Variants in MEPCE observed in about 807,000 individuals in gnomAD.
MEPCE encodes methylphosphate capping enzyme.
In MEPCE, 9 loss-of-function variants were observed where a neutral mutation model predicts 52.3. The observed-to-expected ratio is 0.17, with a 90% CI of 0.10 to 0.30. The LOEUF (loss-of-function observed/expected upper bound fraction) is 0.30. MEPCE is among the 10% of genes least tolerant of loss of function. The pLI is 1.00. For missense variants in MEPCE, 826 were observed against 933.0 expected (o/e 0.89, Z 1.49); for synonymous variants, 477 against 401.6 (o/e 1.19, Z -2.25).
chr7:100,430,522 G>A lies in MEPCE; in HGVS notation c.504G>A (p.Lys168=), dbSNP rs762883519. 8.8e-6 allele frequency: 14 copies of A among 1,585,118 alleles called. No individual in the cohort carries two copies. The Admixed American group carries it at 2.4e-4, about 27-fold the overall frequency. Residue 168 remains lysine (K), a synonymous_variant, in exon 1 of 4, where the codon AAG becomes AAA. Transcript: ENST00000310512. ...GAGGCTTCAAACATCCGGCCTTCAA[G>A]AGGCGCAGGCGGGTGAATTCGGACT... ...GGGGFKHPAF[K]RRRRVNSDCD...
In MEPCE at chr7:100,431,692, A is replaced by G; in HGVS notation, c.1671+3A>G. On this transcript the variant is annotated splice_donor_region_variant and intron_variant, in intron 1 of 3. Transcript: ENST00000310512. ...CCAACAATGTTGTCTTCGTCACGGTAAGAGGGTCCAGAGGCTCTTGGAATA... is the reference window on the plus strand; with the variant it reads ...CCAACAATGTTGTCTTCGTCACGGTGAGAGGGTCCAGAGGCTCTTGGAATA... 1 of 1,580,410 alleles carries G rather than the reference A, an allele frequency of 6.3e-7. No homozygotes were observed. The highest frequency in any genetic ancestry group is 8.6e-7 in the Non-Finnish European group (1 of 1,168,232).
chr7:100,433,674 AT>A lies in MEPCE; in HGVS notation c.*121del. 1 of 1,046,606 alleles carries A rather than the reference AT, an allele frequency of 9.6e-7. No individual in the cohort carries two copies. Among genetic ancestry groups the A allele is most frequent in the South Asian group, 1.5e-5 (1 of 67,698 alleles). 64.8% of individuals were successfully genotyped at this position (1,046,606 alleles called of 1,614,324 possible). A position where few individuals can be genotyped will look rare whatever the true frequency, so the allele number is the denominator to read the frequency against. On this transcript the variant is annotated 3_prime_UTR_variant, in exon 4 of 4. Transcript: ENST00000310512. Reference sequence around the variant, plus strand: ...CTCCAAAAATAGTTTCCTTTCTTGGATCTGCAAAGAAAGCTTTTCTTCCGTC... The same window carrying A: ...CTCCAAAAATAGTTTCCTTTCTTGGACTGCAAAGAAAGCTTTTCTTCCGTC...
At position 100,430,425 on chromosome 7, in the gene MEPCE, A is replaced by G. The variant is rs764694642; in HGVS notation, c.407A>G (p.Tyr136Cys). 1.3e-6 allele frequency: 2 copies of G among 1,555,090 alleles called. No individual in the cohort carries two copies. Among genetic ancestry groups the G allele is most frequent in the Non-Finnish European group, 1.7e-6 (2 of 1,153,482 alleles). ...GCTCCTCCTCGACCCCGCAATGGCT[A>G]TCAGCCCCACCGGCCACCTGGGGGG... ...PPAPPRPRNG[Y>C]QPHRPPGGGG... The change falls in exon 1 of 4, where the codon TAT becomes TGT. Residue 136 changes from tyrosine (Y) to cysteine (C), a missense_variant. Physicochemically the swap from Tyr to Cys is radical, Grantham distance 194. Coordinates refer to ENST00000310512, the MANE Select transcript of MEPCE (RefSeq NM_019606.6).
chr7:100,432,654 C>T (rs942302719), intron 1 of MEPCE, among the ~76,000 whole-genome samples: 3 of 152,208 alleles, frequency 2.0e-5, no homozygotes, highest in African/African-American at 7.2e-5. Context: ...TGGAAGACTT[C>T]ATGGATAATT....
chr7:100,429,835 T>G lies in MEPCE; in HGVS notation c.-184T>G. ...AGTAGTTCGGGTCTCGCGGGCCTCT[T>G]GTTTTGGTCTCGCGGGCTAGTAGGG... On this transcript the variant is annotated 5_prime_UTR_variant, in exon 1 of 4. Transcript: ENST00000310512. 8 of 433,686 alleles carry G rather than the reference T, an allele frequency of 1.8e-5. No individual in the cohort carries two copies. The highest frequency in any genetic ancestry group is 2.7e-5 in the Non-Finnish European group (7 of 261,972). 26.9% of individuals were successfully genotyped at this position (433,686 alleles called of 1,614,324 possible).
rs1201282205 is a variant in MEPCE, at chr7:100,431,632, A to G, written c.1614A>G (p.Gln538=). The change falls in exon 1 of 4, where the codon CAA becomes CAG. Residue 538 remains glutamine, a synonymous_variant. Coordinates refer to ENST00000310512, the MANE Select transcript of MEPCE (RefSeq NM_019606.6). ...TASRGPIAAP[Q]VPLDGADTSV... ...GCCGGGGTCCCATCGCTGCCCCCCA[A>G]GTGCCCTTGGATGGAGCGGACACAT... 2 of 1,607,198 alleles carry G rather than the reference A, an allele frequency of 1.2e-6. No homozygotes were observed. The highest frequency in any genetic ancestry group is 1.7e-5 in the Admixed American group (1 of 60,004).
Position 100,433,559 on chromosome 7 carries a change from C to T in MEPCE, c.*5C>T, listed in dbSNP as rs566959186. 1.4e-5 allele frequency: 22 copies of T among 1,611,994 alleles called. No individual in the cohort carries two copies. In the East Asian group the frequency reaches 2.7e-4, roughly 20 times the overall value. Reference sequence around the variant, plus strand: ...GCCCGATCCCCCAGCCACTAAGTGGCCCCCTAAACAGAAAGTGTGAAGAGG... The same window carrying T: ...GCCCGATCCCCCAGCCACTAAGTGGTCCCCTAAACAGAAAGTGTGAAGAGG... On this transcript the variant is annotated 3_prime_UTR_variant, in exon 4 of 4. Transcript: ENST00000310512.
chr7:100,432,911 G>GC lies in MEPCE; in HGVS notation c.1672-5dup, dbSNP rs1798762880. On this transcript the variant is annotated splice_polypyrimidine_tract_variant and splice_region_variant and intron_variant, in intron 1 of 3. Transcript: ENST00000310512. ...TCAGTTGACCTCACTGCCGATTCTTGCCCTCAGGGTAATTATGTGCTGGAT... is the reference window on the plus strand; with the variant it reads ...TCAGTTGACCTCACTGCCGATTCTTGCCCCTCAGGGTAATTATGTGCTGGAT... 1.9e-6 allele frequency: 3 copies of GC among 1,613,230 alleles called. No individual in the cohort carries two copies. Among genetic ancestry groups the GC allele is most frequent in the Admixed American group, 1.7e-5 (1 of 59,998 alleles).
At chr7:100,432,000 C>T (rs1046615114) in intron 1 of MEPCE, among the ~76,000 whole-genome samples, 2 of 152,190 alleles carry the variant, frequency 1.3e-5, no homozygotes, top group Admixed American at 1.3e-4. Flanking sequence ...AAGGCTGCTG[C>T]TCACTAGGGA....
chr7:100,429,819 G>A (rs1340779191), upstream of MEPCE: 4 of 418,690 alleles, frequency 9.6e-6, no homozygotes, highest in Admixed American at 1.3e-4. Flanking sequence ...GAGTAGTTCG[G>A]GTCTCGCGGG....
upstream of MEPCE, chr7:100,429,678 G>A: frequency 4.1e-6 from 1 of 246,450 alleles, no homozygotes; most frequent in Non-Finnish European, 7.8e-6. Flanking sequence ...TGATGCGCGC[G>A]CAACCAGGGT....
chr7:100,428,817 A>T (rs537806069), upstream of MEPCE: 1 of 152,216 alleles, frequency 6.6e-6, no homozygotes, highest in Non-Finnish European at 1.5e-5. Flanking sequence ...CTGACGGGCC[A>T]GTGAGCGGGC....
chr7:100,431,030 G>C lies in MEPCE; in HGVS notation c.1012G>C (p.Gly338Arg). Residue 338 changes from glycine to arginine, a missense_variant, in exon 1 of 4, where the codon GGT becomes CGT. Physicochemically the swap from Gly to Arg is moderately radical, Grantham distance 125. This residue lies in a region of MEPCE where 307 missense variants were observed against 292.1 expected (regional missense o/e 1.05). Transcript: ENST00000310512. ...GTCTCCCCTTCCATCTGCTCTGCAG[G>C]GTCCCTCAGGCTCCCTATCAGCCCC... ...VVSPLPSALQ[G>R]PSGSLSAPPA... 1 of 1,613,828 alleles carries C rather than the reference G, an allele frequency of 6.2e-7. No individual in the cohort carries two copies.
intron 1 of MEPCE, among the ~76,000 whole-genome samples, chr7:100,432,493 G>A (rs371969985): frequency 1.3e-5 from 2 of 152,186 alleles, no homozygotes; most frequent in South Asian, 2.1e-4. Context: ...GGAAAGAATA[G>A]GCCTGAAACT....
rs1160914515 is a variant in MEPCE at position 100,430,741 on chromosome 7, C to T, written c.723C>T (p.Leu241=). The T allele has an allele frequency of 6.2e-7, 1 of 1,613,802 alleles. No individual in the cohort carries two copies. The highest frequency in any genetic ancestry group is 1.3e-5 in the African/African-American group (1 of 74,928). ...AAGATATTACTGACCCGCTCAGTCT[C>T]AATACTTGCACTGATGAGGGCCATG... ...IPKDITDPLS[L]NTCTDEGHVV... is the part of the protein sequence containing the mutation. Residue 241 remains leucine (L), a synonymous_variant, in exon 1 of 4, where the codon CTC becomes CTT. Transcript: ENST00000310512.
chr7:100,429,266 A>G (rs1798370441), upstream of MEPCE: 1 of 152,222 alleles, frequency 6.6e-6, no homozygotes, highest in Admixed American at 6.5e-5. Context: ...TACCAAACTT[A>G]AGGAAGCGAC....
Position 100,430,169 on chromosome 7 carries a change from C to T in MEPCE, c.151C>T (p.Pro51Ser), listed in dbSNP as rs1278550927. ...GCTCCGCGGCGGGACGGAGCGTGGT[C>T]CGGGTCGTTGCGCGCCATCTGCGGG... is the stretch of plus-strand genomic sequence containing the variant. ...GELRGGTERGPGRCAPSAGSP... is the reference protein window; with the variant it reads ...GELRGGTERGSGRCAPSAGSP... Residue 51 changes from proline (P) to serine (S), a missense_variant, in exon 1 of 4, where the codon CCG becomes TCG. Pro to Ser is a moderately conservative substitution (Grantham distance 74). Coordinates refer to ENST00000310512, the MANE Select transcript of MEPCE (RefSeq NM_019606.6). The T allele has an allele frequency of 2.3e-6, 3 of 1,293,550 alleles. No homozygotes were observed. The highest frequency in any genetic ancestry group is 4.1e-5 in the Admixed American group (1 of 24,412). 80.1% of individuals were successfully genotyped at this position (1,293,550 alleles called of 1,614,324 possible). A position where few individuals can be genotyped will look rare whatever the true frequency, so the allele number is the denominator to read the frequency against.
chr7:100,433,354 A>G lies in MEPCE; in HGVS notation c.1982A>G (p.Tyr661Cys), dbSNP rs771221279. ...TCCCCAGACGTGGGCTTCTCCAGCT[A>G]TGAGCTTGTGGCCACACCCCACAAC... ...LTSPDVGFSS[Y>C]ELVATPHNTS... is the part of the protein sequence containing the mutation. Residue 661 changes from tyrosine to cysteine, a missense_variant, in exon 3 of 4, where the codon TAT becomes TGT. By Grantham distance (194) the Tyr-to-Cys change is radical. Around this residue, in one of 7 missense-constraint regions of MEPCE, gnomAD observed 82 missense variants for 121.4 expected, o/e 0.68. Coordinates refer to ENST00000310512, the MANE Select transcript of MEPCE (RefSeq NM_019606.6). 2 of 1,614,186 alleles carry G rather than the reference A, an allele frequency of 1.2e-6. No individual in the cohort carries two copies. The highest frequency in any genetic ancestry group is 1.7e-5 in the Admixed American group (1 of 60,028).
chr7:100,429,778 AAG>A (rs907965168), upstream of MEPCE: 4 of 381,580 alleles, frequency 1.0e-5, no homozygotes, highest in African/African-American at 6.2e-5. Context: ...GCGGAGGAGA[AAG>A]GGGTCGGCGC....
Sources: gnomAD v4.1 joint callset for allele counts (sites outside exome capture counted in the v4.1 genomes callset) on GRCh38, gnomAD v4.1.1 for gene constraint, gnomAD v4.1.1 regional missense constraint, MANE v1.5 for transcripts, NCBI Gene and HGNC (gene_info 2026-07-23, HGNC 2026-07-21) for gene names.